The following TSG101 variants were observed in gnomAD, a reference collection of about 807,000 sequenced individuals.
TSG101 encodes the protein tumor susceptibility gene 101 protein.
Under a neutral mutation model 48.5 loss-of-function variants are expected in TSG101, and 19 were observed. The observed-to-expected ratio is 0.39, with a 90% CI of 0.27 to 0.58. The LOEUF (loss-of-function observed/expected upper bound fraction) is 0.58, where lower values mean the gene tolerates loss of function less well. TSG101 is among the 20% of genes least tolerant of loss of function. The probability of loss-of-function intolerance (pLI) is 0.55; values close to 1 mark genes in which losing one functional copy is unlikely to be tolerated. For synonymous variants in TSG101, 174 were observed against 169.4 expected (o/e 1.03, Z -0.21); for missense variants, 365 against 484.4 (o/e 0.75, Z 2.31).
rs1340296431 is a variant in TSG101, at chr11:18,499,505, G to T, written c.640+2981C>A. Among the ~76,000 whole-genome samples the T allele has an allele frequency of 3.6e-5, 5 of 137,098 alleles. No homozygotes were observed. The Admixed American group carries it at 4.0e-4, about 11-fold the overall frequency. The allele number at this position is 137,098 out of a possible 152,430, so 89.9% of individuals were successfully genotyped here. Reference sequence around the variant, plus strand: ...AGCTCACTGCAACCTCTGCCTCCAGGGTTCAAGCAATTCTCCTGCCTCAGC... The same window carrying T: ...AGCTCACTGCAACCTCTGCCTCCAGTGTTCAAGCAATTCTCCTGCCTCAGC... On this transcript the variant is annotated intron_variant, in intron 7 of 9. Transcript: ENST00000251968.
rs1022120095 is a variant in TSG101, at chr11:18,502,529, T to C, written c.597A>G (p.Thr199=). ...GCTGAGAAGGGTACTGAGAACTTGT[T>C]GTGGCAGGATATGGACCACCAGGTG... ...PYPPGGPYPA[T]TSSQYPSQPP... Residue 199 remains threonine (T), a synonymous_variant, in exon 7 of 10, where the codon ACA becomes ACG. Transcript: ENST00000251968. The C allele has an allele frequency of 1.2e-6, 2 of 1,613,394 alleles. No individual in the cohort carries two copies. The highest frequency in any genetic ancestry group is 1.7e-6 in the Non-Finnish European group (2 of 1,179,710).
chr11:18,521,434 T>TCATGGCTCA (rs1277541750), intron 1 of TSG101, among the ~76,000 whole-genome samples: 1 of 144,584 alleles, frequency 6.9e-6, no homozygotes, highest in African/African-American at 2.5e-5. Context: ...AGTGGTATGA[T>TCATGGCTCA]CATGGCTCAC....
intron 8 of TSG101, among the ~76,000 whole-genome samples, chr11:18,482,600 CA>C (rs1309773553): frequency 2.0e-5 from 3 of 152,186 alleles, no homozygotes; most frequent in Non-Finnish European, 4.4e-5. Flanking sequence ...CATCATTAAG[CA>C]AAGCCATAGG....
chr11:18,505,146 C>G (rs1394235991), intron 6 of TSG101, among the ~76,000 whole-genome samples: 1 of 152,044 alleles, frequency 6.6e-6, no homozygotes, highest in Non-Finnish European at 1.5e-5. Context: ...CTGCATTTAT[C>G]CATGAGGATT....
intron 7 of TSG101, among the ~76,000 whole-genome samples, chr11:18,484,476 A>C (rs1849590693): frequency 6.6e-6 from 1 of 152,242 alleles, no homozygotes; most frequent in South Asian, 2.1e-4. Context: ...AAGCTGAAGG[A>C]GACAAGTGCC....
chr11:18,487,621 C>T (rs1200334839), intron 7 of TSG101, among the ~76,000 whole-genome samples: 2 of 152,180 alleles, frequency 1.3e-5, no homozygotes, highest in Non-Finnish European at 2.9e-5. Flanking sequence ...CTTCCTCAGC[C>T]TCCTGGAGTG....
intron 2 of TSG101, among the ~76,000 whole-genome samples, chr11:18,518,778 G>T (rs2133931908): frequency 6.6e-6 from 1 of 152,164 alleles, no homozygotes; most frequent in South Asian, 2.1e-4. Flanking sequence ...GCTCGTCTCG[G>T]TGATACACAA....
chr11:18,514,357 T>G (rs1255093196), intron 4 of TSG101, among the ~76,000 whole-genome samples: 1 of 152,236 alleles, frequency 6.6e-6, no homozygotes, highest in African/African-American at 2.4e-5. Context: ...CTTTGAGTAA[T>G]CAGATTTGAA....
In TSG101 at chr11:18,509,627, A is replaced by G; in HGVS notation, c.396T>C (p.Ile132=). The stretch of plus-strand genomic sequence containing the variant: ...CTGGAGGTTCATCTCCAAATACCAC[A>G]ATCATGACCTGAATAAGCCCCAACA... ...SDLLGLIQVM[I]VVFGDEPPVF... Residue 132 remains isoleucine (I), a synonymous_variant, in exon 5 of 10, where the codon ATT becomes ATC. Coordinates refer to ENST00000251968, the MANE Select transcript of TSG101 (RefSeq NM_006292.4). 4.3e-6 allele frequency: 7 copies of G among 1,613,740 alleles called. No individual in the cohort carries two copies. Among genetic ancestry groups the G allele is most frequent in the Non-Finnish European group, 5.9e-6 (7 of 1,179,704 alleles).
At chr11:18,485,756 G>A (rs1466406613) in intron 7 of TSG101, among the ~76,000 whole-genome samples, 2 of 152,208 alleles carry the variant, frequency 1.3e-5, no homozygotes, top group African/African-American at 2.4e-5. Context: ...AAACAGTGCT[G>A]AAAAGTCATT....
intron 6 of TSG101, among the ~76,000 whole-genome samples, chr11:18,503,937 A>G (rs1424006804): frequency 1.3e-5 from 2 of 152,104 alleles, no homozygotes; most frequent in Non-Finnish European, 2.9e-5. Flanking sequence ...GGTGCAGTGG[A>G]TCACACCTGT....
rs777871849 is a variant in TSG101 at position 18,516,089 on chromosome 11, A to G, written c.193+10T>C. The G allele has an allele frequency of 1.9e-6, 3 of 1,611,716 alleles. No individual in the cohort carries two copies. The highest frequency in any genetic ancestry group is 1.1e-5 in the South Asian group (1 of 90,820). On this transcript the variant is annotated intron_variant, in intron 3 of 9. Transcript: ENST00000251968. The stretch of plus-strand genomic sequence containing the variant: ...ATGCATCTATGCTGGAAACCTAATA[A>G]GACATTTACCTCTATAAGGCACAGG...
intron 7 of TSG101, among the ~76,000 whole-genome samples, chr11:18,492,915 A>G (rs1018595603): frequency 6.6e-6 from 1 of 152,218 alleles, no homozygotes; most frequent in Non-Finnish European, 1.5e-5. Context: ...ATGCAAACAA[A>G]TAAGAAAAAA....
At chr11:18,520,255 G>A (rs939803280) in intron 1 of TSG101, among the ~76,000 whole-genome samples, 4 of 152,020 alleles carry the variant, frequency 2.6e-5, no homozygotes, top group African/African-American at 4.8e-5. Flanking sequence ...ACAGGGTCTC[G>A]CTCTGTCGCC....
chr11:18,526,634 G>C (rs1850379281), intron 1 of TSG101, 141 bp downstream of exon 1: 2 of 944,728 alleles, frequency 2.1e-6, no homozygotes, highest in South Asian at 3.6e-5. Context: ...CTCGGGGCGG[G>C]GTTCTGAGGA....
At chr11:18,508,027 G>A (rs1850003217) in intron 5 of TSG101, 1 of 151,412 alleles carries the variant, frequency 6.6e-6, no homozygotes, top group Admixed American at 6.6e-5. Flanking sequence ...CTGGGAGGCA[G>A]AGGTTGCAGT....
intron 7 of TSG101, among the ~76,000 whole-genome samples, chr11:18,486,654 T>C (rs11024676): frequency 0.16 from 24,544 of 150,484 alleles, 2,265 homozygotes; most frequent in East Asian, 0.39. Flanking sequence ...ATAGGAACAC[T>C]TTTACACTGT....
chr11:18,507,104 T>G (rs1849986866), intron 5 of TSG101, among the ~76,000 whole-genome samples, 181 bp from the exon 6 acceptor site: 1 of 152,170 alleles, frequency 6.6e-6, no homozygotes, highest in Non-Finnish European at 1.5e-5. Flanking sequence ...TCATTAAACA[T>G]GAATTACAAT....
chr11:18,515,189 C>T (rs994296839), intron 3 of TSG101, among the ~76,000 whole-genome samples: 2 of 152,178 alleles, frequency 1.3e-5, no homozygotes, highest in African/African-American at 4.8e-5. Flanking sequence ...AATCTCATAG[C>T]ACTTTTTCAT....
Sources: gnomAD v4.1 joint callset for allele counts (sites outside exome capture counted in the v4.1 genomes callset) on GRCh38, gnomAD v4.1.1 for gene constraint, MANE v1.5 for transcripts, NCBI Gene and HGNC (gene_info 2026-07-23, HGNC 2026-07-21) for gene names.